ASTN2: variants seen among roughly 807,000 people sequenced by gnomAD.
ASTN2 encodes astrotactin-2.
In ASTN2, 54 loss-of-function variants were observed where a neutral mutation model predicts 139.8. The ratio of observed to expected loss-of-function variants is 0.39; its 90% CI spans 0.31 to 0.48. The LOEUF is 0.48. Among genes scored for constraint, ASTN2 ranks in the 20% least tolerant of loss-of-function variants. The pLI is 0.95. For synonymous variants in ASTN2, 756 were observed against 719.5 expected (o/e 1.05, Z -0.81); for missense variants, 1,565 against 1,725.1 (o/e 0.91, Z 1.64).
intron 3 of ASTN2, among the ~76,000 whole-genome samples, chr9:117,209,256 C>G (rs1421567037): frequency 1.3e-5 from 2 of 151,960 alleles, no homozygotes; most frequent in South Asian, 4.1e-4. Flanking sequence ...AATATATAAA[C>G]AGGACAAAAG....
At chr9:116,661,886 A>G (rs1189690099) in intron 16 of ASTN2, among the ~76,000 whole-genome samples, 3 of 152,036 alleles carry the variant, frequency 2.0e-5, no homozygotes, top group Non-Finnish European at 4.4e-5. Context: ...GGGGAGAGGG[A>G]TAAAATTAGG....
chr9:116,871,398 A>G (rs1253736898), intron 10 of ASTN2, among the ~76,000 whole-genome samples: 2 of 152,248 alleles, frequency 1.3e-5, no homozygotes, highest in Admixed American at 1.3e-4. Context: ...GGTACAGTTT[A>G]AGTGATCAAT....
At chr9:117,187,097 C>T (rs1339438311) in intron 3 of ASTN2, among the ~76,000 whole-genome samples, 1 of 151,670 alleles carries the variant, frequency 6.6e-6, no homozygotes, top group Non-Finnish European at 1.5e-5. Flanking sequence ...CCACTGCACT[C>T]CAGCCTGGGA....
At chr9:116,563,021 C>T (rs1031326729) in intron 19 of ASTN2, among the ~76,000 whole-genome samples, 2 of 151,974 alleles carry the variant, frequency 1.3e-5, no homozygotes, top group African/African-American at 4.8e-5. Context: ...TAGACCATTG[C>T]AGAGTAATTT....
At chr9:116,578,770 G>GAA (rs59722919) in intron 19 of ASTN2, among the ~76,000 whole-genome samples, 23,884 of 146,566 alleles carry the variant, frequency 0.16, 2,114 homozygotes, top group African/African-American at 0.22. Flanking sequence ...TTTTCAAATG[G>GAA]AAAAAAAAAA....
At position 117,414,965 on chromosome 9, in the gene ASTN2, C is replaced by G. The variant is rs2130989450; in HGVS notation, c.-27G>C. ...GCGGGAGGGGCTGCGGTGCTGCGGGCGGCGGCGGCGGTGGCGGCGGTGGCG... is the reference window on the plus strand; with the variant it reads ...GCGGGAGGGGCTGCGGTGCTGCGGGGGGCGGCGGCGGTGGCGGCGGTGGCG... On this transcript the variant is annotated 5_prime_UTR_variant, in exon 1 of 23. Coordinates refer to ENST00000313400, the MANE Select transcript of ASTN2 (RefSeq NM_001365068.1). This position sits in a 1 kb window ranked among gnomAD's most constrained non-coding sequence, Gnocchi z 4.2. 4.4e-6 allele frequency: 1 copy of G among 228,154 alleles called. No homozygotes were observed. Among genetic ancestry groups the G allele is most frequent in the South Asian group, 1.5e-4 (1 of 6,700 alleles). 14.1% of individuals were successfully genotyped at this position (228,154 alleles called of 1,614,324 possible).
At chr9:116,567,345 C>T (rs1853285686) in intron 19 of ASTN2, among the ~76,000 whole-genome samples, 1 of 152,204 alleles carries the variant, frequency 6.6e-6, no homozygotes. Context: ...GCTTCTGTCT[C>T]TCTGGGTGGC....
chr9:117,088,315 T>C (rs1358841542), intron 5 of ASTN2, among the ~76,000 whole-genome samples: 1 of 152,152 alleles, frequency 6.6e-6, no homozygotes, highest in African/African-American at 2.4e-5. Flanking sequence ...CCATCCGCCC[T>C]CACACCTTGG....
chr9:117,411,063 G>A lies in ASTN2; in HGVS notation c.442+3434C>T, dbSNP rs369131974. 1.3e-4 allele frequency among the ~76,000 whole-genome samples: 20 copies of A among 152,166 alleles called. No individual in the cohort carries two copies. In the East Asian group the frequency reaches 3.9e-3, roughly 29 times the overall value. ...CAACCTACAAGAATGTAGGTGTCTGGCAGACCAGGATTCCAGTTCCAGGTC... is the reference window on the plus strand; with the variant it reads ...CAACCTACAAGAATGTAGGTGTCTGACAGACCAGGATTCCAGTTCCAGGTC... On this transcript the variant is annotated intron_variant, in intron 1 of 22. Transcript: ENST00000313400.
At chr9:116,672,058 C>G (rs945788337) in intron 16 of ASTN2, among the ~76,000 whole-genome samples, 12 of 152,224 alleles carry the variant, frequency 7.9e-5, no homozygotes, top group Middle Eastern at 3.4e-3. Flanking sequence ...AACATAAATA[C>G]ATAAAATTTT....
chr9:116,601,680 G>A (rs1490518267), intron 19 of ASTN2, among the ~76,000 whole-genome samples: 2 of 152,162 alleles, frequency 1.3e-5, no homozygotes, highest in Non-Finnish European at 2.9e-5. Context: ...AGTTTATAGA[G>A]GCACCAGCTA....
intron 1 of ASTN2, among the ~76,000 whole-genome samples, chr9:117,372,133 C>T (rs1210461972): frequency 6.6e-6 from 1 of 152,110 alleles, no homozygotes; most frequent in Non-Finnish European, 1.5e-5. Flanking sequence ...CTGTAAGAGG[C>T]CCGACTGCAG....
intron 3 of ASTN2, among the ~76,000 whole-genome samples, chr9:117,161,994 C>CA (rs2132903721): frequency 6.6e-6 from 1 of 151,898 alleles, no homozygotes; most frequent in East Asian, 1.9e-4. Flanking sequence ...AACAGAGACT[C>CA]AAAGAGAGTG....
At chr9:116,985,080 G>C (rs923075676) in intron 7 of ASTN2, among the ~76,000 whole-genome samples, 2 of 152,208 alleles carry the variant, frequency 1.3e-5, no homozygotes, top group Non-Finnish European at 2.9e-5. Flanking sequence ...TGTGTGACCT[G>C]AGGTAGTTCC....
chr9:116,635,750 C>T (rs1857043208), intron 17 of ASTN2, among the ~76,000 whole-genome samples: 1 of 152,148 alleles, frequency 6.6e-6, no homozygotes, highest in South Asian at 2.1e-4. Flanking sequence ...GTTGAAGAAG[C>T]CAAGCCCAAA....
At chr9:116,512,046 C>T (rs1016289944) in intron 19 of ASTN2, among the ~76,000 whole-genome samples, 4 of 152,128 alleles carry the variant, frequency 2.6e-5, no homozygotes, top group Non-Finnish European at 5.9e-5. Flanking sequence ...CTTCTGCTAG[C>T]TTTTGAATGT....
At chr9:116,870,742 T>G (rs1833140909) in intron 10 of ASTN2, among the ~76,000 whole-genome samples, 1 of 152,050 alleles carries the variant, frequency 6.6e-6, no homozygotes. Context: ...TGATGCAGGG[T>G]GAGCATTAGG....
At chr9:117,066,318 T>A (rs1242185105) in intron 5 of ASTN2, among the ~76,000 whole-genome samples, 1 of 148,196 alleles carries the variant, frequency 6.7e-6, no homozygotes, top group Non-Finnish European at 1.5e-5. Context: ...GATTTCCAAT[T>A]TCATACATGT....
chr9:116,824,291 A>T (rs773215032), intron 11 of ASTN2, among the ~76,000 whole-genome samples: 1 of 152,222 alleles, frequency 6.6e-6, no homozygotes, highest in South Asian at 2.1e-4. Flanking sequence ...CTGCACCAGA[A>T]TTGGTCTATG....
Sources: gnomAD v4.1 joint callset for allele counts (sites outside exome capture counted in the v4.1 genomes callset) on GRCh38, gnomAD v4.1.1 for gene constraint, Gnocchi (gnomAD v3.1) non-coding constraint, MANE v1.5 for transcripts, NCBI Gene and HGNC (gene_info 2026-07-23, HGNC 2026-07-21) for gene names.